The following SLC39A11 variants were observed in gnomAD, a reference collection of about 807,000 sequenced individuals.
SLC39A11 encodes the protein solute carrier family 39 member 11.
A neutral mutation model predicts 36.1 loss-of-function variants in SLC39A11; 33 were observed. That is an observed-to-expected ratio of 0.91 (90% confidence interval 0.69 to 1.22). The LOEUF (loss-of-function observed/expected upper bound fraction) is 1.22. SLC39A11 is among the 50% of genes most tolerant of loss of function. SLC39A11 has a pLI of 0.00. For synonymous variants in SLC39A11, 166 were observed against 170.3 expected, an observed-to-expected ratio of 0.97 and a Z score of 0.20; for missense variants, 432 against 430.3, an observed-to-expected ratio of 1.00 and a Z score of -0.03.
intron 5 of SLC39A11, among the ~76,000 whole-genome samples, chr17:72,904,948 C>T (rs1199829898): frequency 1.3e-5 from 2 of 151,726 alleles, no homozygotes; most frequent in East Asian, 1.9e-4. Flanking sequence ...CCGAGGCAGG[C>T]GGATCACGAG....
intron 3 of SLC39A11, among the ~76,000 whole-genome samples, chr17:73,056,239 G>T (rs944879956): frequency 1.3e-5 from 2 of 151,958 alleles, no homozygotes; most frequent in Non-Finnish European, 2.9e-5. Context: ...AATAATCTTG[G>T]CTCAATGTAA....
chr17:72,787,289 G>A (rs571253327), intron 6 of SLC39A11, among the ~76,000 whole-genome samples: 11 of 112,012 alleles, frequency 9.8e-5, no homozygotes, highest in African/African-American at 2.2e-4. Context: ...GCAGAGTCTC[G>A]CTCTGATGCC....
chr17:72,777,880 TG>T (rs2076188304), intron 6 of SLC39A11, among the ~76,000 whole-genome samples: 1 of 151,534 alleles, frequency 6.6e-6, no homozygotes, highest in South Asian at 2.1e-4. Flanking sequence ...TATGTATGTA[TG>T]TATGTATGTA....
chr17:72,647,721 G>C (rs979895437), intron 9 of SLC39A11, 59 bp from the exon 10 acceptor site: 26 of 1,370,972 alleles, frequency 1.9e-5, no homozygotes, highest in African/African-American at 4.3e-5. Context: ...GCCACGGCTA[G>C]GCTGAAGGCA....
intron 7 of SLC39A11, among the ~76,000 whole-genome samples, chr17:72,678,769 C>T (rs1044350286): frequency 6.6e-6 from 1 of 152,042 alleles, no homozygotes; most frequent in Non-Finnish European, 1.5e-5. Flanking sequence ...TTCATCGATT[C>T]ACAAATAATT....
chr17:72,702,412 G>T (rs1443437649), intron 7 of SLC39A11, among the ~76,000 whole-genome samples: 1 of 152,116 alleles, frequency 6.6e-6, no homozygotes, highest in Non-Finnish European at 1.5e-5. Flanking sequence ...TCACAACTAG[G>T]GGGAAGGCAT....
chr17:72,997,357 G>A (rs897525542), intron 4 of SLC39A11, among the ~76,000 whole-genome samples: 12 of 152,194 alleles, frequency 7.9e-5, no homozygotes, highest in African/African-American at 1.4e-4. Flanking sequence ...AGGTTCAAGC[G>A]ATTCTCCTGC....
chr17:72,745,026 G>A (rs2074872313), intron 6 of SLC39A11, among the ~76,000 whole-genome samples: 1 of 151,720 alleles, frequency 6.6e-6, no homozygotes, highest in Non-Finnish European at 1.5e-5. Flanking sequence ...ATTTCTAGTA[G>A]AGATGGGGTT....
At chr17:72,672,508 G>A (rs1598300113) in intron 7 of SLC39A11, among the ~76,000 whole-genome samples, 1 of 152,186 alleles carries the variant, frequency 6.6e-6, no homozygotes, top group African/African-American at 2.4e-5. Context: ...TTCTCGACCA[G>A]CACCATAAGA....
At chr17:72,758,929 C>CTT (rs2075463635) in intron 6 of SLC39A11, among the ~76,000 whole-genome samples, 1 of 152,202 alleles carries the variant, frequency 6.6e-6, no homozygotes, top group African/African-American at 2.4e-5. Context: ...CATGGCAAAA[C>CTT]CCTGTCTCTA....
chr17:72,718,819 T>C (rs2435974), intron 7 of SLC39A11, among the ~76,000 whole-genome samples: 46,231 of 152,078 alleles, frequency 0.3, 8,853 homozygotes, highest in African/African-American at 0.54. Context: ...AGTTTATTCG[T>C]GGGCTTCTGA....
At chr17:72,804,985 C>T (rs142275381) in intron 6 of SLC39A11, among the ~76,000 whole-genome samples, 5 of 152,110 alleles carry the variant, frequency 3.3e-5, no homozygotes, top group African/African-American at 1.2e-4. Context: ...CACTGCACTC[C>T]AGCCTGGTGA....
chr17:72,692,633 G>C (rs775521344), intron 7 of SLC39A11, among the ~76,000 whole-genome samples: 13 of 152,186 alleles, frequency 8.5e-5, no homozygotes, highest in Non-Finnish European at 1.8e-4. Context: ...ACCTCCCCCT[G>C]GTTCCCTCCC....
chr17:72,686,456 A>G (rs1259510337), intron 7 of SLC39A11, among the ~76,000 whole-genome samples: 1 of 152,148 alleles, frequency 6.6e-6, no homozygotes, highest in Non-Finnish European at 1.5e-5. Flanking sequence ...CTTACCCAGC[A>G]TGGCTCTTGG....
intron 5 of SLC39A11, among the ~76,000 whole-genome samples, chr17:72,909,313 G>A (rs540370542): frequency 7.2e-5 from 11 of 152,318 alleles, no homozygotes; most frequent in African/African-American, 1.7e-4. Flanking sequence ...TGAAGAATGC[G>A]ATTCTGGGGA....
At chr17:72,922,977 A>C (rs202155895) in intron 5 of SLC39A11, among the ~76,000 whole-genome samples, 139 of 146,710 alleles carry the variant, frequency 9.5e-4, no homozygotes, top group Middle Eastern at 3.5e-3. Context: ...AAAAAAAAAA[A>C]AAAAAAAAAA....
At chr17:72,774,126 G>A (rs1180153038) in intron 6 of SLC39A11, among the ~76,000 whole-genome samples, 1 of 152,190 alleles carries the variant, frequency 6.6e-6, no homozygotes, top group Non-Finnish European at 1.5e-5. Flanking sequence ...ATAAGTAGCT[G>A]TGCTTACACT....
At chr17:73,040,984 CA>C (rs775559282) in intron 3 of SLC39A11, among the ~76,000 whole-genome samples, 6 of 45,038 alleles carry the variant, frequency 1.3e-4, no homozygotes, top group African/African-American at 2.6e-4. Flanking sequence ...GACTCCATCT[CA>C]AAAAAAAAAC....
intron 7 of SLC39A11, among the ~76,000 whole-genome samples, chr17:72,695,110 C>T (rs1224850485): frequency 6.6e-6 from 1 of 152,148 alleles, no homozygotes; most frequent in Non-Finnish European, 1.5e-5. Flanking sequence ...TCAGAAATGC[C>T]AAGAAGGGTA....
Sources: allele counts gnomAD v4.1 joint callset (sites outside exome capture counted in the v4.1 genomes callset), GRCh38; gene constraint gnomAD v4.1.1; transcripts MANE v1.5; gene names NCBI Gene and HGNC (gene_info 2026-07-23, HGNC 2026-07-21).